SLAMF9: variants seen among roughly 807,000 people sequenced by gnomAD.
The protein encoded by SLAMF9 is SLAM family member 9.
SLAMF9 carries 25 observed loss-of-function variants against 30.4 expected under a neutral mutation model. That is an observed-to-expected ratio of 0.82 (90% CI 0.60 to 1.15). The LOEUF (loss-of-function observed/expected upper bound fraction) is 1.15, where lower values mean the gene tolerates loss of function less well. Ranked by LOEUF, SLAMF9 falls within the 50% of genes most tolerant of loss-of-function variation. The pLI is 0.00. For missense variants in SLAMF9, 344 were observed against 346.1 expected (o/e 0.99, Z 0.05); for synonymous variants, 129 against 127.2 (o/e 1.01, Z -0.09).
At chr1:159,973,079 G>A in the SLAMF9 span, 15 of 1,483,826 alleles carry the variant, frequency 1.0e-5, no homozygotes, top group Non-Finnish European at 1.3e-5. Flanking sequence ...AAAGCCCAGA[G>A]TCTCCCTCCT....
At chr1:159,972,393 C>T in the SLAMF9 span, among the ~76,000 whole-genome samples, 1 of 152,230 alleles carries the variant, frequency 6.6e-6, no homozygotes, top group East Asian at 1.9e-4. Context: ...GGCCCTGTTG[C>T]CCTTGTTTTC....
intron 3 of SLAMF9, 110 bp from the exon 4 acceptor site, chr1:159,951,976 G>A: frequency 1.1e-6 from 1 of 893,828 alleles, no homozygotes; most frequent in African/African-American, 1.7e-5. Flanking sequence ...ACAATCAGTT[G>A]AAGTCCCCTT....
the SLAMF9 span, among the ~76,000 whole-genome samples, chr1:159,970,137 T>C: frequency 6.6e-6 from 1 of 152,204 alleles, no homozygotes; most frequent in Non-Finnish European, 1.5e-5. Flanking sequence ...CACAAAAGCA[T>C]GCCATATGCT....
At chr1:159,972,877 A>G in the SLAMF9 span, 1 of 990,328 alleles carries the variant, frequency 1.0e-6, no homozygotes, top group Non-Finnish European at 1.4e-6. Flanking sequence ...CAGCCTGACC[A>G]CCCAAGACCC....
the SLAMF9 span, chr1:159,973,938 T>A: frequency 1.9e-6 from 3 of 1,611,860 alleles, no homozygotes; most frequent in African/African-American, 4.0e-5. Context: ...CTTAGAGAAA[T>A]GAAGGAATTT....
At chr1:159,962,636 T>C in the SLAMF9 span, among the ~76,000 whole-genome samples, 1 of 151,688 alleles carries the variant, frequency 6.6e-6, no homozygotes, top group Non-Finnish European at 1.5e-5. Flanking sequence ...GAGAAGAAAA[T>C]GGGCAGAGAT....
the SLAMF9 span, chr1:159,976,960 G>GAAAGAAAGAAA: frequency 2.0e-5 from 2 of 101,882 alleles, no homozygotes; most frequent in East Asian, 5.3e-4. Context: ...AAGAAAGAAA[G>GAAAGAAAGAAA]AGAAAGAAAG....
chr1:159,970,148 CCTATATGTAATCA>C, the SLAMF9 span, among the ~76,000 whole-genome samples: 2 of 152,162 alleles, frequency 1.3e-5, no homozygotes, highest in Non-Finnish European at 2.9e-5. Flanking sequence ...GCCATATGCT[CCTATATGTAATCA>C]TGGCTCACTC....
upstream of SLAMF9, among the ~76,000 whole-genome samples, chr1:159,955,808 A>G (rs922195630): frequency 5.3e-5 from 8 of 152,224 alleles, no homozygotes; most frequent in African/African-American, 1.9e-4. Flanking sequence ...TTAGTTCTTC[A>G]AAGATTGGTA....
At chr1:159,965,343 G>A in the SLAMF9 span, among the ~76,000 whole-genome samples, 1 of 152,176 alleles carries the variant, frequency 6.6e-6, no homozygotes, top group Non-Finnish European at 1.5e-5. Flanking sequence ...TGATCAAATA[G>A]GCCAGTTGCA....
chr1:159,972,951 T>C, the SLAMF9 span: 4 of 1,096,096 alleles, frequency 3.6e-6, no homozygotes, highest in Non-Finnish European at 5.0e-6. Flanking sequence ...TCCCACTGCA[T>C]GATGCCCAGA....
chr1:159,973,658 G>A, the SLAMF9 span: 16 of 723,618 alleles, frequency 2.2e-5, no homozygotes, highest in Admixed American at 4.9e-5. Flanking sequence ...AACATCTTGG[G>A]AAACCTCGGG....
Position 159,951,580 on chromosome 1 carries a change from C to T in SLAMF9, c.*81G>A. 3.6e-6 allele frequency: 5 copies of T among 1,393,764 alleles called. No individual in the cohort carries two copies. Among genetic ancestry groups the T allele is most frequent in the Non-Finnish European group, 5.0e-6 (5 of 997,468 alleles). The allele number at this position is 1,393,764 out of a possible 1,614,324, so 86.3% of individuals were successfully genotyped here. On this transcript the variant is annotated 3_prime_UTR_variant, in exon 4 of 4. Transcript: ENST00000368093. Reference sequence around the variant, plus strand: ...TACCCACCCCTGAGCACCTCCTTCCCCTGGAAAGAAGAGAGCTGAGGAAGG... The same window carrying T: ...TACCCACCCCTGAGCACCTCCTTCCTCTGGAAAGAAGAGAGCTGAGGAAGG...
At chr1:159,959,510 C>T in the SLAMF9 span, among the ~76,000 whole-genome samples, 6 of 152,174 alleles carry the variant, frequency 3.9e-5, no homozygotes, top group African/African-American at 1.4e-4. Context: ...CCTGGCAGAT[C>T]CTAGGATCTA....
At chr1:159,959,910 C>T in the SLAMF9 span, among the ~76,000 whole-genome samples, 4 of 151,986 alleles carry the variant, frequency 2.6e-5, no homozygotes, top group Non-Finnish European at 4.4e-5. Flanking sequence ...GTCAGCTTAG[C>T]GTAGCGTAAC....
At chr1:159,983,924 AG>A in the SLAMF9 span, 1 of 152,342 alleles carries the variant, frequency 6.6e-6, no homozygotes, top group African/African-American at 2.4e-5. Flanking sequence ...GGGCGGAAGA[AG>A]AACAAAAGAC....
At chr1:159,982,968 G>C in the SLAMF9 span, 1 of 152,446 alleles carries the variant, frequency 6.6e-6, no homozygotes, top group South Asian at 2.1e-4. Context: ...GGCAGAGGTT[G>C]CAGTGAGCTG....
the SLAMF9 span, among the ~76,000 whole-genome samples, chr1:159,975,049 A>C: frequency 6.6e-6 from 1 of 152,138 alleles, no homozygotes; most frequent in Admixed American, 6.5e-5. Context: ...TCCTTCCCCA[A>C]GCAGTAACAT....
the SLAMF9 span, among the ~76,000 whole-genome samples, chr1:159,979,368 TAAG>T: frequency 7.2e-5 from 11 of 152,304 alleles, no homozygotes; most frequent in African/African-American, 2.6e-4. Context: ...GGTAGGAAAA[TAAG>T]AAGAAATCAC....
Sources: gnomAD v4.1 joint callset for allele counts (sites outside exome capture counted in the v4.1 genomes callset) on GRCh38, gnomAD v4.1.1 for gene constraint, MANE v1.5 for transcripts, NCBI Gene and HGNC (gene_info 2026-07-23, HGNC 2026-07-21) for gene names.